The following ACAD10 variants were observed in gnomAD, a reference collection of about 807,000 sequenced individuals.
The protein encoded by ACAD10 is ACAD-10.
ACAD10 carries 112 observed loss-of-function variants against 116.8 expected under a neutral mutation model. The observed-to-expected ratio is 0.96, with a 90% CI of 0.82 to 1.12. ACAD10 has a LOEUF of 1.12. Among genes scored for constraint, ACAD10 ranks in the 50% most tolerant of loss-of-function variants. ACAD10 has a pLI of 0.00. For synonymous variants in ACAD10, 486 were observed against 510.6 expected (o/e 0.95, Z 0.65); for missense variants, 1,259 against 1,350.2 (o/e 0.93, Z 1.06).
chr12:111,738,031 GT>G (rs1209728097), intron 12 of ACAD10, among the ~76,000 whole-genome samples: 1 of 151,754 alleles, frequency 6.6e-6, no homozygotes, highest in Non-Finnish European at 1.5e-5. Context: ...TTTTTTGTTT[GT>G]TTTTAGTAGA....
intron 8 of ACAD10, among the ~76,000 whole-genome samples, chr12:111,722,539 G>A (rs1389131305): frequency 1.3e-5 from 2 of 151,840 alleles, no homozygotes; most frequent in African/African-American, 4.9e-5. Context: ...GCGGCCTTCC[G>A]CAGTGTTTGT....
intron 1 of ACAD10, among the ~76,000 whole-genome samples, 168 bp from the exon 2 acceptor site, chr12:111,692,529 C>CT (rs1449806960): frequency 6.6e-6 from 1 of 152,210 alleles, no homozygotes; most frequent in African/African-American, 2.4e-5. Context: ...GAGCCCTTGA[C>CT]TAAGTAGCCA....
At chr12:111,717,978 A>C (rs1183373656) in intron 7 of ACAD10, among the ~76,000 whole-genome samples, 1 of 138,788 alleles carries the variant, frequency 7.2e-6, no homozygotes, top group Non-Finnish European at 1.5e-5. Context: ...TGTTGAATTT[A>C]TGATTTATAA....
Position 111,746,257 on chromosome 12 carries a change from C to A in ACAD10, c.2229C>A (p.Leu743=). 6.2e-7 allele frequency: 1 copy of A among 1,613,608 alleles called. No individual in the cohort carries two copies. The highest frequency in any genetic ancestry group is 8.5e-7 in the Non-Finnish European group (1 of 1,179,852). ...TNVEYAHLCE[L]MGTSLYAPEV... ...TGGAATATGCACATCTGTGTGAGCTCATGGGCACGTCCCTGTATGCCCCCG... is the reference window on the plus strand; with the variant it reads ...TGGAATATGCACATCTGTGTGAGCTAATGGGCACGTCCCTGTATGCCCCCG... Residue 743 remains leucine, a synonymous_variant, in exon 14 of 21, where the codon CTC becomes CTA. Transcript: ENST00000313698.
chr12:111,695,639 T>G (rs1465462602), intron 2 of ACAD10, among the ~76,000 whole-genome samples: 1 of 152,144 alleles, frequency 6.6e-6, no homozygotes, highest in Non-Finnish European at 1.5e-5. Flanking sequence ...TAGTGATGCC[T>G]TCTACTTTGT....
At chr12:111,689,569 G>A (rs1887978850) in intron 1 of ACAD10, among the ~76,000 whole-genome samples, 1 of 151,668 alleles carries the variant, frequency 6.6e-6, no homozygotes, top group African/African-American at 2.4e-5. Context: ...TAGAGACGGG[G>A]CTTCACAATG....
chr12:111,692,417 A>G (rs1204928668), intron 1 of ACAD10, among the ~76,000 whole-genome samples: 2 of 152,220 alleles, frequency 1.3e-5, no homozygotes, highest in Non-Finnish European at 2.9e-5. Flanking sequence ...TTCAGGAGAA[A>G]GACTTGACAG....
intron 1 of ACAD10, among the ~76,000 whole-genome samples, chr12:111,688,599 C>T (rs1347726313): frequency 1.3e-5 from 2 of 150,972 alleles, no homozygotes; most frequent in Admixed American, 6.6e-5. Flanking sequence ...GTCAGGAGTT[C>T]GAGACCAGCC....
At position 111,747,787 on chromosome 12, in the gene ACAD10, T is replaced by C. The variant is rs75197003; in HGVS notation, c.2485+402T>C. ...TTTTAGGGATTGTCCAGTGTTACTT[T>C]TGCAGGGCCCCTACAAGTAGCCGTG... On this transcript the variant is annotated intron_variant, in intron 16 of 20. Transcript: ENST00000313698. The C allele has an allele frequency of 3.5e-3, 3,542 of 1,024,146 alleles. 101 individuals carry two copies. In the African/African-American group the frequency reaches 0.055, roughly 16 times the overall value. The allele number at this position is 1,024,146 out of a possible 1,614,324, so 63.4% of individuals were successfully genotyped here.
chr12:111,725,041 T>C (rs1179855803), intron 8 of ACAD10, among the ~76,000 whole-genome samples: 4 of 152,236 alleles, frequency 2.6e-5, no homozygotes, highest in African/African-American at 9.6e-5. Flanking sequence ...ACTAATACAA[T>C]GAATACCTGT....
At chr12:111,748,243 C>A in intron 16 of ACAD10, 74 bp from the exon 17 acceptor site, 1 of 1,579,506 alleles carries the variant, frequency 6.3e-7, no homozygotes, top group Non-Finnish European at 8.7e-7. Context: ...CTTTCTTGGG[C>A]CAGGACCACG....
At chr12:111,742,743 C>T (rs1299923879) in intron 12 of ACAD10, among the ~76,000 whole-genome samples, 3 of 152,132 alleles carry the variant, frequency 2.0e-5, no homozygotes, top group African/African-American at 7.2e-5. Context: ...GAATTTTGCT[C>T]TTGTCACCCA....
chr12:111,746,897 C>T (rs571766153), intron 14 of ACAD10, 152 bp from the exon 15 acceptor site: 17 of 1,009,874 alleles, frequency 1.7e-5, no homozygotes, highest in Non-Finnish European at 2.4e-5. Flanking sequence ...GCTTGGGAAG[C>T]TGAGGCATGG....
At chr12:111,739,507 A>G (rs1889669234) in intron 12 of ACAD10, among the ~76,000 whole-genome samples, 1 of 152,244 alleles carries the variant, frequency 6.6e-6, no homozygotes, top group African/African-American at 2.4e-5. Context: ...CTGTAATCCC[A>G]GCACTGTGGG....
chr12:111,707,926 A>T (rs1223256141), intron 4 of ACAD10, among the ~76,000 whole-genome samples: 1 of 152,150 alleles, frequency 6.6e-6, no homozygotes, highest in Admixed American at 6.5e-5. Context: ...TGTATTTCGA[A>T]AAAGCTCCAC....
At chr12:111,721,557 G>A (rs1392005062) in intron 7 of ACAD10, 114 bp from the exon 8 acceptor site, 2 of 978,466 alleles carry the variant, frequency 2.0e-6, no homozygotes, top group Non-Finnish European at 3.0e-6. Context: ...AACAGAGCGA[G>A]ACTGTGTCTC....
chr12:111,749,317 A>G lies in ACAD10; in HGVS notation c.2789A>G (p.Glu930Gly), dbSNP rs1296863427. ...TGCATGAGGCTGATCGGGTTCTCAG[A>G]GAGGGCCCTGGCACTCATGAAGGCC... The part of the protein sequence containing the change: ...HHCMRLIGFS[E>G]RALALMKARV... The change falls in exon 18 of 21, where the codon GAG becomes GGG. Residue 930 changes from glutamate (E) to glycine (G), a missense_variant. By Grantham distance (98) the Glu-to-Gly change is moderately conservative (BLOSUM62 -2). Transcript: ENST00000313698. 6.2e-7 allele frequency: 1 copy of G among 1,613,446 alleles called. No homozygotes were observed. The highest frequency in any genetic ancestry group is 1.3e-5 in the African/African-American group (1 of 75,036).
At chr12:111,704,686 T>TCC (rs1446432871) in intron 3 of ACAD10, among the ~76,000 whole-genome samples, 3 of 126,172 alleles carry the variant, frequency 2.4e-5, no homozygotes, top group African/African-American at 9.9e-5. Flanking sequence ...CTTTCTTTCT[T>TCC]TCTTTTTTTT....
At chr12:111,732,261 A>G (rs751860075) in intron 10 of ACAD10, among the ~76,000 whole-genome samples, 5 of 152,216 alleles carry the variant, frequency 3.3e-5, no homozygotes, top group African/African-American at 4.8e-5. Flanking sequence ...TAGTTTGGCC[A>G]TATGTTGGAA....
Sources: allele counts gnomAD v4.1 joint callset (sites outside exome capture counted in the v4.1 genomes callset), GRCh38; gene constraint gnomAD v4.1.1; transcripts MANE v1.5; gene names NCBI Gene and HGNC (gene_info 2026-07-23, HGNC 2026-07-21).